Variants in CELSR1 observed in about 807,000 individuals in gnomAD.
CELSR1 encodes the protein cadherin EGF LAG seven-pass G-type receptor 1, also known as adhesion G protein-coupled receptor C1.
CELSR1 carries 110 observed loss-of-function variants against 249.1 expected under a neutral mutation model. The ratio of observed to expected loss-of-function variants is 0.44; its 90% CI spans 0.38 to 0.52. The LOEUF is 0.52. Ranked by LOEUF, CELSR1 falls within the 20% of genes least tolerant of loss-of-function variation. The pLI, the probability that CELSR1 is intolerant of heterozygous loss-of-function variation, is 0.00. For missense variants in CELSR1, 4,109 were observed against 4,296.4 expected (o/e 0.96, Z 1.22); for synonymous variants, 2,113 against 1,900.0 (o/e 1.11, Z -2.92).
rs1188917457 is a variant in CELSR1 at position 46,429,189 on chromosome 22, A to G, written c.4611+4204T>C. 1.3e-5 allele frequency among the ~76,000 whole-genome samples: 2 copies of G among 152,118 alleles called. No individual in the cohort carries two copies. Among genetic ancestry groups the G allele is most frequent in the East Asian group, 3.9e-4 (2 of 5,194 alleles). ...GAATAAGCTTCTCCCCACACTTCCC[A>G]AACACCCAGGATGCCGAGGGCGATG... is the stretch of plus-strand genomic sequence containing the variant. On this transcript the variant is annotated intron_variant, in intron 5 of 34. Coordinates refer to ENST00000674500, the MANE Select transcript of CELSR1 (RefSeq NM_001378328.1). The surrounding 1 kb of genome is among the most constrained non-coding windows in gnomAD (Gnocchi z 4.1).
chr22:46,489,225 G>A (rs995429496), intron 1 of CELSR1, among the ~76,000 whole-genome samples: 2 of 151,684 alleles, frequency 1.3e-5, no homozygotes, highest in Admixed American at 1.3e-4. Context: ...CCAATTCCTC[G>A]TCATCACAAT....
chr22:46,512,463 G>A lies in CELSR1; in HGVS notation c.3544+21164C>T, dbSNP rs1415368106. The stretch of plus-strand genomic sequence containing the variant: ...GGTGTACACCTATAATCCCAGCTAC[G>A]TAGAAGGCTGAGGCACGAGAATTGC... On this transcript the variant is annotated intron_variant, in intron 1 of 34. Transcript: ENST00000674500. This position sits in a 1 kb window ranked among gnomAD's most constrained non-coding sequence, Gnocchi z 5.2. Among the ~76,000 whole-genome samples the A allele has an allele frequency of 1.3e-5, 2 of 152,192 alleles. No individual in the cohort carries two copies. The highest frequency in any genetic ancestry group is 2.1e-4 in the South Asian group (1 of 4,826).
In CELSR1 at chr22:46,534,872, C is replaced by T. The variant is rs769030029; in HGVS notation, c.2299G>A (p.Gly767Ser). The T allele has an allele frequency of 3.7e-6, 6 of 1,612,678 alleles. No individual in the cohort carries two copies. Among genetic ancestry groups the T allele is most frequent in the South Asian group, 1.1e-5 (1 of 91,080 alleles). ...QYVLAVTASD[G>S]TRSHTAHVLI... ...ACATGCGCAGTGTGCGACCGTGTGCCGTCGGATGCTGTCACCGCCAGCACG... is the reference window on the plus strand; with the variant it reads ...ACATGCGCAGTGTGCGACCGTGTGCTGTCGGATGCTGTCACCGCCAGCACG... Residue 767 changes from glycine to serine, a missense_variant, in exon 1 of 35, where the codon GGC becomes AGC. Transcript: ENST00000674500. The surrounding 1 kb of genome is among the most constrained non-coding windows in gnomAD (Gnocchi z 9.7).
In CELSR1 at chr22:46,365,622, C is replaced by G. The variant is rs371505101; in HGVS notation, c.8368G>C (p.Ala2790Pro). 6.3e-7 allele frequency: 1 copy of G among 1,594,522 alleles called. No homozygotes were observed. The highest frequency in any genetic ancestry group is 1.7e-5 in the Admixed American group (1 of 57,440). ...TTGCAGCTCCTGGGCATGAGGGACG[C>G]GTCTGGCTCTCCGTGGCTGCCCCTC... Reference protein sequence around the residue: ...LVRGSHGEPDASLMPRSCKDP... With the variant: ...LVRGSHGEPDPSLMPRSCKDP... Residue 2790 changes from alanine (A) to proline (P), a missense_variant, in exon 31 of 35, where the codon GCG (alanine) becomes CCG (proline). Physicochemically the swap from Ala to Pro is conservative, Grantham distance 27. Transcript: ENST00000674500.
At position 46,415,068 on chromosome 22, in the gene CELSR1, G is replaced by T. The variant is rs536823889; in HGVS notation, c.4612-3309C>A. Reference sequence around the variant, plus strand: ...CATTCCTACACAATGTCCAGGACAGGCACATCCACAGACACAGAGCAGACA... The same window carrying T: ...CATTCCTACACAATGTCCAGGACAGTCACATCCACAGACACAGAGCAGACA... On this transcript the variant is annotated intron_variant, in intron 5 of 34. Transcript: ENST00000674500. Among the ~76,000 whole-genome samples, 4 of 152,356 alleles carry T rather than the reference G, an allele frequency of 2.6e-5. No individual in the cohort carries two copies. The South Asian group carries it at 8.3e-4, about 32-fold the overall frequency.
At chr22:46,469,979 GGA>G in intron 1 of CELSR1, among the ~76,000 whole-genome samples, 2 of 149,406 alleles carry the variant, frequency 1.3e-5, no homozygotes, top group African/African-American at 2.5e-5. Context: ...GAGGGAGGGA[GGA>G]GGAGGGGAGG....
chr22:46,491,254 G>GA (rs2080364395), intron 1 of CELSR1, among the ~76,000 whole-genome samples: 1 of 139,240 alleles, frequency 7.2e-6, no homozygotes, highest in Non-Finnish European at 1.5e-5. Context: ...AATCTAGCCA[G>GA]AAAGTCACTT....
rs999160596 is a variant in CELSR1 at position 46,473,752 on chromosome 22, T to C, written c.3545-9407A>G. Among the ~76,000 whole-genome samples the C allele has an allele frequency of 1.1e-4, 17 of 152,308 alleles. No homozygotes were observed. In the East Asian group the frequency reaches 2.9e-3, roughly 26 times the overall value. ...AGGGAGGGCCCTGCTTGGTGGCTCC[T>C]GGTGGCTCCCATTCAAAGCCAGGGA... On this transcript the variant is annotated intron_variant, in intron 1 of 34. Transcript: ENST00000674500. This position sits in a 1 kb window ranked among gnomAD's most constrained non-coding sequence, Gnocchi z 6.6.
At position 46,434,761 on chromosome 22, in the gene CELSR1, C is replaced by T. The variant is rs1181787055; in HGVS notation, c.4523-1280G>A. Among the ~76,000 whole-genome samples, 1 of 152,256 alleles carries T rather than the reference C, an allele frequency of 6.6e-6. No individual in the cohort carries two copies. Among genetic ancestry groups the T allele is most frequent in the South Asian group, 2.1e-4 (1 of 4,822 alleles). ...TCTGTAATCCCAGCACTTTGGGAGG[C>T]CAAGGTGGGCGGATCACTTGAGGTC... On this transcript the variant is annotated intron_variant, in intron 4 of 34. Transcript: ENST00000674500. The surrounding 1 kb of genome is among the most constrained non-coding windows in gnomAD (Gnocchi z 4.9).
chr22:46,434,504 T>C lies in CELSR1; in HGVS notation c.4523-1023A>G, dbSNP rs1403240735. On this transcript the variant is annotated intron_variant, in intron 4 of 34. Transcript: ENST00000674500. This position sits in a 1 kb window ranked among gnomAD's most constrained non-coding sequence, Gnocchi z 4.9. ...CCACCTCACAGAGCCCGGAGGGCTA[T>C]GGCCACCTCTCCCATGGTGGTTGGC... Among the ~76,000 whole-genome samples, 1 of 152,256 alleles carries C rather than the reference T, an allele frequency of 6.6e-6. No homozygotes were observed. Among genetic ancestry groups the C allele is most frequent in the Non-Finnish European group, 1.5e-5 (1 of 68,034 alleles).
Position 46,381,696 on chromosome 22 carries a change from AC to A in CELSR1, c.7088+149del. 1.4e-6 allele frequency: 1 copy of A among 735,568 alleles called. No individual in the cohort carries two copies. Among genetic ancestry groups the A allele is most frequent in the Non-Finnish European group, 2.2e-6 (1 of 457,614 alleles). 45.6% of individuals were successfully genotyped at this position (735,568 alleles called of 1,614,324 possible). ...CCAGAATCTCCCTCCAAGGACCACCACAAGGCAATGGTCTCTGTCTCTGGGC... is the reference window on the plus strand; with the variant it reads ...CCAGAATCTCCCTCCAAGGACCACCAAAGGCAATGGTCTCTGTCTCTGGGC... On this transcript the variant is annotated intron_variant, in intron 21 of 34. Transcript: ENST00000674500. This position sits in a 1 kb window ranked among gnomAD's most constrained non-coding sequence, Gnocchi z 6.0.
intron 1 of CELSR1, among the ~76,000 whole-genome samples, chr22:46,478,851 C>T (rs368313751): frequency 4.0e-5 from 6 of 151,784 alleles, no homozygotes; most frequent in Non-Finnish European, 7.4e-5. Context: ...CGTGCCCAGC[C>T]GAAGATGAGA....
In CELSR1 at chr22:46,390,323, C is replaced by T; in HGVS notation, c.6345+69G>A. The T allele has an allele frequency of 3.8e-6, 5 of 1,302,344 alleles. No individual in the cohort carries two copies. The highest frequency in any genetic ancestry group is 3.2e-6 in the Non-Finnish European group (3 of 932,148). The allele number at this position is 1,302,344 out of a possible 1,614,324, so 80.7% of individuals were successfully genotyped here. A position where few individuals can be genotyped will look rare whatever the true frequency, so the allele number is the denominator to read the frequency against. Reference sequence around the variant, plus strand: ...CCCAGCCCAGGAGCCTCGGCCCACACAAACTCTCTCACGCATACACGAACA... The same window carrying T: ...CCCAGCCCAGGAGCCTCGGCCCACATAAACTCTCTCACGCATACACGAACA... On this transcript the variant is annotated intron_variant, in intron 17 of 34. Transcript: ENST00000674500. This position sits in a 1 kb window ranked among gnomAD's most constrained non-coding sequence, Gnocchi z 6.3.
rs2078791054 is a variant in CELSR1 at position 46,366,977 on chromosome 22, C to T, written c.8205+16G>A. 1 of 1,604,744 alleles carries T rather than the reference C, an allele frequency of 6.2e-7. No individual in the cohort carries two copies. The highest frequency in any genetic ancestry group is 1.7e-5 in the Admixed American group (1 of 59,520). ...CGCCCAGCCCCCAGTCCCGCGGTGT[C>T]CCCGGCGCCTCCTACCGTCAGCAGG... On this transcript the variant is annotated intron_variant, in intron 29 of 34. Transcript: ENST00000674500.
Position 46,377,265 on chromosome 22 carries a change from T to TGGGCAGGAGGGTTAA in CELSR1, c.7384-19_7384-5dup. On this transcript the variant is annotated splice_region_variant and splice_polypyrimidine_tract_variant and intron_variant, in intron 23 of 34. Transcript: ENST00000674500. ...TCAGAGGCAGGACCTCCCCGTTCTA[T>TGGGCAGGAGGGTTAA]GGGCAGGAGGGTTAAAGGCAGGAGA... The TGGGCAGGAGGGTTAA allele has an allele frequency of 6.2e-7, 1 of 1,613,628 alleles. No homozygotes were observed. The highest frequency in any genetic ancestry group is 8.5e-7 in the Non-Finnish European group (1 of 1,179,908).
At position 46,394,585 on chromosome 22, in the gene CELSR1, C is replaced by G. The variant is rs547187145; in HGVS notation, c.5844-323G>C. Among the ~76,000 whole-genome samples the G allele has an allele frequency of 2.4e-3, 365 of 152,332 alleles. 3 individuals are homozygous for G. The highest frequency in any genetic ancestry group is 2.7e-3 in the East Asian group (14 of 5,192). On this transcript the variant is annotated intron_variant, in intron 13 of 34. Coordinates refer to ENST00000674500, the MANE Select transcript of CELSR1 (RefSeq NM_001378328.1). ...CAAGGCTGGCCTTTCACGATGCAGC[C>G]CCAGGCAGACTGAGCTCAGCTGCCT...
Position 46,382,035 on chromosome 22 carries a change from C to A in CELSR1, c.6899G>T (p.Arg2300Met). 1 of 1,543,860 alleles carries A rather than the reference C, an allele frequency of 6.5e-7. No homozygotes were observed. The highest frequency in any genetic ancestry group is 8.7e-7 in the Non-Finnish European group (1 of 1,144,362). The change falls in exon 21 of 35, where the codon AGG becomes ATG. Residue 2300 changes from arginine to methionine, a missense_variant. Arg to Met is a moderately conservative substitution (Grantham distance 91, BLOSUM62 -1). Around this residue, in one of 7 missense-constraint regions of CELSR1, gnomAD observed 1,805 missense variants for 1,831.6 expected, o/e 0.99. Transcript: ENST00000674500. ...CGGGGTGGTCCTCCGGCCAGCCGGC[C>A]TCAGCAGGGGGCCTTCTGCAATGTG... ...PPEEKEGPLL[R>M]PAGRRTTPQT... is the part of the protein sequence containing the mutation.
rs80348506 is a variant in CELSR1 at position 46,471,362 on chromosome 22, C to T, written c.3545-7017G>A. 0.014 allele frequency among the ~76,000 whole-genome samples: 2,156 copies of T among 152,056 alleles called. 41 individuals are homozygous for T. The highest frequency in any genetic ancestry group is 0.035 in the African/African-American group (1,452 of 41,504). Reference sequence around the variant, plus strand: ...CCCACACCCAGGCCCCTATTAGTTACGTTATTACATTAGCATGGTAGGTTT... The same window carrying T: ...CCCACACCCAGGCCCCTATTAGTTATGTTATTACATTAGCATGGTAGGTTT... On this transcript the variant is annotated intron_variant, in intron 1 of 34. Coordinates refer to ENST00000674500, the MANE Select transcript of CELSR1 (RefSeq NM_001378328.1). The surrounding 1 kb of genome is among the most constrained non-coding windows in gnomAD (Gnocchi z 4.9).
intron 1 of CELSR1, among the ~76,000 whole-genome samples, chr22:46,508,669 C>T (rs2080541302): frequency 1.3e-5 from 2 of 152,158 alleles, no homozygotes; most frequent in African/African-American, 4.8e-5. Flanking sequence ...CCCCATGGCG[C>T]GTCGCCTTCC....
Sources: gnomAD v4.1 joint callset for allele counts (sites outside exome capture counted in the v4.1 genomes callset) on GRCh38, gnomAD v4.1.1 for gene constraint, gnomAD v4.1.1 regional missense constraint, Gnocchi (gnomAD v3.1) non-coding constraint, MANE v1.5 for transcripts, NCBI Gene and HGNC (gene_info 2026-07-23, HGNC 2026-07-21) for gene names.